N4BP1: variants seen among roughly 807,000 people sequenced by gnomAD.
N4BP1 encodes NEDD4-binding protein 1.
A neutral mutation model predicts 70.9 loss-of-function variants in N4BP1; 21 were observed. The ratio of observed to expected loss-of-function variants is 0.30; its 90% CI spans 0.21 to 0.43. The LOEUF (loss-of-function observed/expected upper bound fraction) is 0.43, where lower values mean the gene tolerates loss of function less well. Among genes scored for constraint, N4BP1 ranks in the 20% least tolerant of loss-of-function variants. The pLI, the probability that N4BP1 is intolerant of heterozygous loss-of-function variation, is 1.00. For synonymous variants in N4BP1, 387 were observed against 394.6 expected, an observed-to-expected ratio of 0.98 and a Z score of 0.23; for missense variants, 936 against 1,069.4, an observed-to-expected ratio of 0.88 and a Z score of 1.74.
chr16:48,573,891 T>C (rs542180249), intron 1 of N4BP1, among the ~76,000 whole-genome samples: 2 of 152,308 alleles, frequency 1.3e-5, no homozygotes, highest in African/African-American at 2.4e-5. Context: ...GTGTTTACTA[T>C]TCATTAAGTG....
intron 1 of N4BP1, among the ~76,000 whole-genome samples, chr16:48,578,605 C>T (rs1034789160): frequency 1.3e-5 from 2 of 152,112 alleles, no homozygotes; most frequent in Non-Finnish European, 2.9e-5. Flanking sequence ...TCAGTTTTAC[C>T]ACACTCCACT....
At chr16:48,585,581 C>T (rs1313145017) in intron 1 of N4BP1, among the ~76,000 whole-genome samples, 1 of 151,122 alleles carries the variant, frequency 6.6e-6, no homozygotes, top group Non-Finnish European at 1.5e-5. Flanking sequence ...CTCTGTTGCC[C>T]AGACTGGAGT....
At chr16:48,571,553 A>T (rs1964020826) in intron 1 of N4BP1, among the ~76,000 whole-genome samples, 1 of 152,210 alleles carries the variant, frequency 6.6e-6, no homozygotes, top group Non-Finnish European at 1.5e-5. Context: ...AACCTTCACA[A>T]AATTTTAGTA....
Position 48,600,163 on chromosome 16 carries a change from A to G in N4BP1, c.198+9612T>C, listed in dbSNP as rs139440240. 2.5e-3 allele frequency: 1,438 copies of G among 571,308 alleles called. 12 individuals are homozygous for G. Among genetic ancestry groups the G allele is most frequent in the African/African-American group, 0.023 (1,241 of 52,852 alleles). 35.4% of individuals were successfully genotyped at this position (571,308 alleles called of 1,614,324 possible). On this transcript the variant is annotated intron_variant, in intron 1 of 6. Coordinates refer to ENST00000262384, the MANE Select transcript of N4BP1 (RefSeq NM_153029.4). Reference sequence around the variant, plus strand: ...TGGTGGTGACCCATGCAGGTTTAACATGTGTACTGTGAAGTGTTATTTCTG... The same window carrying G: ...TGGTGGTGACCCATGCAGGTTTAACGTGTGTACTGTGAAGTGTTATTTCTG...
chr16:48,605,489 C>G (rs1242017523), intron 1 of N4BP1, among the ~76,000 whole-genome samples: 1 of 152,144 alleles, frequency 6.6e-6, no homozygotes, highest in African/African-American at 2.4e-5. Flanking sequence ...TCCCTTTTGT[C>G]TCTGAAATTC....
At position 48,609,828 on chromosome 16, in the gene N4BP1, C is replaced by G. The variant is rs1964652860; in HGVS notation, c.145G>C (p.Ala49Pro). 1.3e-6 allele frequency: 2 copies of G among 1,486,652 alleles called. No homozygotes were observed. The highest frequency in any genetic ancestry group is 2.9e-5 in the African/African-American group (2 of 68,658). The allele number at this position is 1,486,652 out of a possible 1,614,324, so 92.1% of individuals were successfully genotyped here. A position where few individuals can be genotyped will look rare whatever the true frequency, so the allele number is the denominator to read the frequency against. The change falls in exon 1 of 7, where the codon GCG becomes CCG. Residue 49 changes from alanine (A) to proline (P), a missense_variant. Ala to Pro is a conservative substitution (Grantham distance 27). Around this residue, in one of 4 missense-constraint regions of N4BP1, gnomAD observed 187 missense variants for 217.1 expected, o/e 0.86. Coordinates refer to ENST00000262384, the MANE Select transcript of N4BP1 (RefSeq NM_153029.4). Reference protein sequence around the residue: ...GALGAEEPLPARIWLQLCGAQ... With the variant: ...GALGAEEPLPPRIWLQLCGAQ... ...CCGCAGAGCTGCAGCCAGATGCGCG[C>G]GGGCAGCGGCTCCTCAGCCCCTAGC...
chr16:48,609,063 A>C (rs1402329307), intron 1 of N4BP1, among the ~76,000 whole-genome samples: 1 of 151,110 alleles, frequency 6.6e-6, no homozygotes, highest in Non-Finnish European at 1.5e-5. Context: ...AAAAAAAAAA[A>C]AATGAGCCGG....
chr16:48,596,023 C>T (rs8059905), intron 1 of N4BP1, among the ~76,000 whole-genome samples: 61,334 of 151,934 alleles, frequency 0.4, 13,347 homozygotes, highest in African/African-American at 0.56. Flanking sequence ...ACAAAGCCTA[C>T]GTGAGAAATA....
intron 4 of N4BP1, 142 bp from the exon 5 acceptor site, chr16:48,548,256 C>T: frequency 1.7e-6 from 1 of 599,766 alleles, no homozygotes; most frequent in Non-Finnish European, 3.0e-6. Flanking sequence ...AAGTTTAGCC[C>T]CTATCAACTG....
At position 48,560,929 on chromosome 16, in the gene N4BP1, G is replaced by A. The variant is rs760739473; in HGVS notation, c.1714C>T (p.Pro572Ser). 4.3e-6 allele frequency: 7 copies of A among 1,613,972 alleles called. No homozygotes were observed. In the South Asian group the frequency reaches 7.7e-5, roughly 18 times the overall value. ...SPPMPLPQLL[P>S]SVTDARSAGP... is the part of the protein sequence containing the mutation. ...GCCGACCTTGCATCAGTAACCGAAG[G>A]TAACAGCTGGGGCAGTGGCATTGGT... The change falls in exon 2 of 7, where the codon CCT (proline) becomes TCT (serine). Residue 572 changes from proline to serine, a missense_variant. By Grantham distance (74) the Pro-to-Ser change is moderately conservative. This residue lies in a region of N4BP1 where 515 missense variants were observed against 491.7 expected (regional missense o/e 1.05). Transcript: ENST00000262384.
At chr16:48,552,839 G>A (rs1461107373) in intron 3 of N4BP1, among the ~76,000 whole-genome samples, 1 of 150,608 alleles carries the variant, frequency 6.6e-6, no homozygotes, top group Non-Finnish European at 1.5e-5. Flanking sequence ...CAAAATGGGG[G>A]AAGTTGGGAA....
chr16:48,550,087 A>G (rs995084899), intron 4 of N4BP1, among the ~76,000 whole-genome samples: 3 of 151,934 alleles, frequency 2.0e-5, no homozygotes, highest in Non-Finnish European at 4.4e-5. Context: ...CCACAGCAAA[A>G]CTCCCTTCTG....
chr16:48,602,181 G>C (rs1207721074), intron 1 of N4BP1, among the ~76,000 whole-genome samples: 2 of 152,108 alleles, frequency 1.3e-5, no homozygotes, highest in Non-Finnish European at 2.9e-5. Context: ...CCGAGATCAT[G>C]CCACTGCACT....
In N4BP1 at chr16:48,609,973, G is replaced by A. The variant is rs1248003598; in HGVS notation, c.-1C>T. 1 of 1,214,644 alleles carries A rather than the reference G, an allele frequency of 8.2e-7. No individual in the cohort carries two copies. Among genetic ancestry groups the A allele is most frequent in the South Asian group, 3.7e-5 (1 of 27,036 alleles). 75.2% of individuals were successfully genotyped at this position (1,214,644 alleles called of 1,614,324 possible). A position where few individuals can be genotyped will look rare whatever the true frequency, so the allele number is the denominator to read the frequency against. ...CGTCCAGCACCGCCCGGGCCGCCAT[G>A]GCGGGCGCGGCCTCCCGCGGCGGCG... is the stretch of plus-strand genomic sequence containing the variant. On this transcript the variant is annotated 5_prime_UTR_variant, in exon 1 of 7. Coordinates refer to ENST00000262384, the MANE Select transcript of N4BP1 (RefSeq NM_153029.4).
chr16:48,589,914 G>A (rs760170317), intron 1 of N4BP1, among the ~76,000 whole-genome samples: 4 of 152,088 alleles, frequency 2.6e-5, no homozygotes, highest in African/African-American at 7.2e-5. Flanking sequence ...TTCAGTTTAC[G>A]GTTTGACTCT....
At chr16:48,558,788 T>G (rs1282505330) in intron 2 of N4BP1, among the ~76,000 whole-genome samples, 1 of 152,208 alleles carries the variant, frequency 6.6e-6, no homozygotes, top group Non-Finnish European at 1.5e-5. Context: ...GATATCGCTA[T>G]GCAGCTGCGG....
intron 1 of N4BP1, among the ~76,000 whole-genome samples, chr16:48,582,424 A>G (rs1964186379): frequency 6.6e-6 from 1 of 151,144 alleles, no homozygotes. Flanking sequence ...GATCGACTGT[A>G]GCAGTATCTA....
intron 3 of N4BP1, among the ~76,000 whole-genome samples, chr16:48,553,330 C>G (rs1963703198): frequency 6.6e-6 from 1 of 152,192 alleles, no homozygotes; most frequent in Non-Finnish European, 1.5e-5. Context: ...GTATAAATAA[C>G]TATGTTAACT....
chr16:48,552,417 C>T lies in N4BP1; in HGVS notation c.2021-935G>A, dbSNP rs528374431. On this transcript the variant is annotated intron_variant, in intron 3 of 6. Coordinates refer to ENST00000262384, the MANE Select transcript of N4BP1 (RefSeq NM_153029.4). Reference sequence around the variant, plus strand: ...GCACATAAGCACTAAGAGACTCCTTCGGCAGGGCGTGGTGGCTCCTGCCTG... The same window carrying T: ...GCACATAAGCACTAAGAGACTCCTTTGGCAGGGCGTGGTGGCTCCTGCCTG... 8.1e-4 allele frequency among the ~76,000 whole-genome samples: 123 copies of T among 151,736 alleles called. 1 individual carries two copies. Among genetic ancestry groups the T allele is most frequent in the Non-Finnish European group, 8.8e-4 (60 of 67,846 alleles).
Sources: gnomAD v4.1 joint callset for allele counts (sites outside exome capture counted in the v4.1 genomes callset) on GRCh38, gnomAD v4.1.1 for gene constraint, gnomAD v4.1.1 regional missense constraint, MANE v1.5 for transcripts, NCBI Gene and HGNC (gene_info 2026-07-23, HGNC 2026-07-21) for gene names.